STARD13: variants seen among roughly 807,000 people sequenced by gnomAD.
STARD13 encodes the protein StAR related lipid transfer domain containing 13, also known as stAR-related lipid transfer protein 13.
Under a neutral mutation model 106.4 loss-of-function variants are expected in STARD13, and 62 were observed. That is an observed-to-expected ratio of 0.58 (90% CI 0.48 to 0.72). The LOEUF is 0.72. Ranked by LOEUF, STARD13 falls within the 30% of genes least tolerant of loss-of-function variation. The pLI is 0.00. For missense variants in STARD13, 1,387 were observed against 1,424.0 expected, an observed-to-expected ratio of 0.97 and a Z score of 0.42; for synonymous variants, 565 against 553.0, an observed-to-expected ratio of 1.02 and a Z score of -0.31.
the STARD13 span, among the ~76,000 whole-genome samples, chr13:33,528,227 T>TATATATATATATAC: frequency 4.5e-5 from 5 of 110,974 alleles, no homozygotes; most frequent in African/African-American, 1.9e-4. Flanking sequence ...TGTGTGTGTG[T>TATATATATATATAC]ATATATATAT....
At chr13:33,510,429 T>C in the STARD13 span, among the ~76,000 whole-genome samples, 14 of 152,192 alleles carry the variant, frequency 9.2e-5, no homozygotes, top group Non-Finnish European at 5.9e-5. Flanking sequence ...CTGTGCTTTG[T>C]TCAGCTCTTT....
At chr13:33,300,254 G>A (rs759849217) in intron 1 of STARD13, among the ~76,000 whole-genome samples, 4 of 152,260 alleles carry the variant, frequency 2.6e-5, no homozygotes, top group South Asian at 2.1e-4. Context: ...CTGAGATATC[G>A]TAATATTAGT....
chr13:33,350,141 G>A, intron 1 of STARD13: 3 of 1,150,912 alleles, frequency 2.6e-6, no homozygotes, highest in Non-Finnish European at 3.3e-6. Context: ...GGCCCAGGGA[G>A]GGTGGTGCCC....
the STARD13 span, among the ~76,000 whole-genome samples, chr13:33,404,073 A>G: frequency 2.0e-5 from 3 of 152,242 alleles, no homozygotes; most frequent in Non-Finnish European, 4.4e-5. Context: ...GAGTAGTAAT[A>G]CGCAGAAGAG....
intron 1 of STARD13, among the ~76,000 whole-genome samples, chr13:33,240,669 A>G (rs1394228038): frequency 6.6e-6 from 1 of 151,830 alleles, no homozygotes; most frequent in Non-Finnish European, 1.5e-5. Flanking sequence ...TTTATCCTTA[A>G]GTATCCTTAA....
chr13:33,342,402 T>C (rs1189937738), intron 1 of STARD13, among the ~76,000 whole-genome samples: 1 of 152,218 alleles, frequency 6.6e-6, no homozygotes, highest in Admixed American at 6.5e-5. Flanking sequence ...TAAACTGTGT[T>C]TTTCTTTTTT....
At chr13:33,650,329 T>A in the STARD13 span, among the ~76,000 whole-genome samples, 1 of 149,024 alleles carries the variant, frequency 6.7e-6, no homozygotes, top group African/African-American at 2.5e-5. Flanking sequence ...TAGCTGGGAC[T>A]ACAGGCGCCC....
At chr13:33,584,200 G>T in the STARD13 span, among the ~76,000 whole-genome samples, 1 of 152,134 alleles carries the variant, frequency 6.6e-6, no homozygotes, top group South Asian at 2.1e-4. Context: ...TTGCTATAAA[G>T]AAATACCTGA....
At chr13:33,415,369 A>G in the STARD13 span, among the ~76,000 whole-genome samples, 143 of 152,340 alleles carry the variant, frequency 9.4e-4, no homozygotes, top group African/African-American at 3.0e-3. Flanking sequence ...CTCCGTCTCA[A>G]AAAATAAATA....
intron 1 of STARD13, among the ~76,000 whole-genome samples, chr13:33,259,946 A>C (rs1890555183): frequency 6.8e-6 from 1 of 147,372 alleles, no homozygotes; most frequent in South Asian, 2.2e-4. Flanking sequence ...CAGTGAGCCG[A>C]GATCGTGCCA....
intron 13 of STARD13, among the ~76,000 whole-genome samples, 158 bp from the exon 14 acceptor site, chr13:33,105,868 C>A (rs1358277008): frequency 1.3e-5 from 2 of 152,270 alleles, no homozygotes; most frequent in Admixed American, 1.3e-4. Context: ...ATTCTGCCAT[C>A]AGGGGCCTTG....
intron 1 of STARD13, among the ~76,000 whole-genome samples, chr13:33,285,113 C>A (rs1247821578): frequency 6.6e-6 from 1 of 152,124 alleles, no homozygotes; most frequent in African/African-American, 2.4e-5. Flanking sequence ...ATGAAATAAA[C>A]AAGTGTCCAC....
At chr13:33,500,802 A>T in the STARD13 span, among the ~76,000 whole-genome samples, 1 of 152,126 alleles carries the variant, frequency 6.6e-6, no homozygotes, top group Non-Finnish European at 1.5e-5. Flanking sequence ...TAAAGCAGTG[A>T]GATAGAAAAT....
intron 1 of STARD13, among the ~76,000 whole-genome samples, chr13:33,242,646 A>C (rs1044558631): frequency 3.9e-5 from 6 of 152,108 alleles, no homozygotes; most frequent in Non-Finnish European, 8.8e-5. Context: ...TAGGAAAACC[A>C]GAGACCTTTG....
chr13:33,197,557 G>A (rs1013376611), intron 1 of STARD13, among the ~76,000 whole-genome samples: 2 of 152,082 alleles, frequency 1.3e-5, no homozygotes, highest in African/African-American at 4.8e-5. Context: ...ATCTGATGAA[G>A]GAACAAACTT....
At chr13:33,391,194 TC>T in the STARD13 span, among the ~76,000 whole-genome samples, 1 of 152,142 alleles carries the variant, frequency 6.6e-6, no homozygotes, top group Non-Finnish European at 1.5e-5. Flanking sequence ...ACAATTTAGA[TC>T]AGGTTTAACA....
intron 1 of STARD13, among the ~76,000 whole-genome samples, chr13:33,263,275 A>G (rs986024690): frequency 6.6e-6 from 1 of 152,066 alleles, no homozygotes; most frequent in African/African-American, 2.4e-5. Context: ...CATCAACAGT[A>G]TCTCCAGATA....
the STARD13 span, among the ~76,000 whole-genome samples, chr13:33,646,921 C>T: frequency 2.6e-5 from 4 of 151,818 alleles, no homozygotes; most frequent in East Asian, 1.9e-4. Flanking sequence ...TTCATTGGTA[C>T]AAAAATTAAT....
intron 1 of STARD13, among the ~76,000 whole-genome samples, chr13:33,322,079 C>A (rs532176547): frequency 1.3e-5 from 2 of 152,158 alleles, no homozygotes; most frequent in East Asian, 3.8e-4. Flanking sequence ...CAATTCACAG[C>A]TCATTAATCA....
Sources: allele counts gnomAD v4.1 joint callset (sites outside exome capture counted in the v4.1 genomes callset), GRCh38; gene constraint gnomAD v4.1.1; transcripts MANE v1.5; gene names NCBI Gene and HGNC (gene_info 2026-07-23, HGNC 2026-07-21).